The following MTUS2 variants were observed in gnomAD, a reference collection of about 807,000 sequenced individuals.
MTUS2 encodes microtubule associated scaffold protein 2.
In MTUS2, 40 loss-of-function variants were observed where a neutral mutation model predicts 114.1. That is an observed-to-expected ratio of 0.35 (90% confidence interval 0.27 to 0.46). The LOEUF (loss-of-function observed/expected upper bound fraction) is 0.46. MTUS2 is among the 20% of genes least tolerant of loss of function. The probability of loss-of-function intolerance (pLI) is 1.00; values close to 1 mark genes in which losing one functional copy is unlikely to be tolerated. For missense variants in MTUS2, 1,679 were observed against 1,705.4 expected, an observed-to-expected ratio of 0.98 and a Z score of 0.27; for synonymous variants, 688 against 672.0, an observed-to-expected ratio of 1.02 and a Z score of -0.37.
chr13:28,832,399 T>G (rs1874749852), intron 1 of MTUS2, among the ~76,000 whole-genome samples: 1 of 152,074 alleles, frequency 6.6e-6, no homozygotes, highest in Non-Finnish European at 1.5e-5. Flanking sequence ...GAAATTAATA[T>G]ACTCCTAGTG....
At chr13:29,018,135 T>G (rs1205537511) in intron 2 of MTUS2, among the ~76,000 whole-genome samples, 1 of 152,198 alleles carries the variant, frequency 6.6e-6, no homozygotes, top group East Asian at 1.9e-4. Flanking sequence ...ACTTTGATGC[T>G]TAGAGTCTGC....
intron 7 of MTUS2, among the ~76,000 whole-genome samples, chr13:29,356,742 C>G (rs2138211693): frequency 6.6e-6 from 1 of 152,324 alleles, no homozygotes; most frequent in East Asian, 1.9e-4. Context: ...ATGGCAGGAC[C>G]CTTTTCAACT....
intron 15 of MTUS2, among the ~76,000 whole-genome samples, chr13:29,502,643 G>A (rs756914084): frequency 1.6e-4 from 25 of 152,228 alleles, no homozygotes; most frequent in African/African-American, 2.4e-4. Flanking sequence ...CCAGCTGCGC[G>A]GCTGTCTCTC....
At chr13:29,470,357 G>A (rs1391482639) in intron 9 of MTUS2, among the ~76,000 whole-genome samples, 2 of 152,114 alleles carry the variant, frequency 1.3e-5, no homozygotes, top group Non-Finnish European at 2.9e-5. Flanking sequence ...CCTTCCTGAG[G>A]ATTGTGACCC....
At chr13:29,107,929 G>A (rs1288784604) in intron 5 of MTUS2, among the ~76,000 whole-genome samples, 1 of 152,050 alleles carries the variant, frequency 6.6e-6, no homozygotes, top group Non-Finnish European at 1.5e-5. Flanking sequence ...AATAGGATTT[G>A]GGTTCTGGGG....
rs550106523 is a variant in MTUS2, at chr13:29,328,215, A to C, written c.2905+3504A>C. Among the ~76,000 whole-genome samples the C allele has an allele frequency of 5.9e-5, 9 of 152,384 alleles. No homozygotes were observed. The South Asian group carries it at 1.9e-3, about 32-fold the overall frequency. On this transcript the variant is annotated intron_variant, in intron 7 of 15. Coordinates refer to ENST00000612955, the MANE Select transcript of MTUS2 (RefSeq NM_001033602.4). The stretch of plus-strand genomic sequence containing the variant: ...TATATGAAAATACATTTGATAATAG[A>C]AAAATCCAAATTCTGCCAAAATATG...
At chr13:29,092,821 T>C (rs1403712417) in intron 4 of MTUS2, among the ~76,000 whole-genome samples, 1 of 152,142 alleles carries the variant, frequency 6.6e-6, no homozygotes, top group African/African-American at 2.4e-5. Flanking sequence ...GTTTGAAAAG[T>C]TTTATGACTT....
At chr13:29,261,048 C>G (rs1897454158) in intron 5 of MTUS2, among the ~76,000 whole-genome samples, 1 of 151,796 alleles carries the variant, frequency 6.6e-6, no homozygotes, top group African/African-American at 2.4e-5. Context: ...AATCAGTGTG[C>G]TGAACAAGAA....
chr13:29,307,415 C>T, intron 6 of MTUS2: 1 of 1,206,276 alleles, frequency 8.3e-7, no homozygotes. Flanking sequence ...CCTAGTGACG[C>T]TGCCAAGGCT....
intron 5 of MTUS2, among the ~76,000 whole-genome samples, chr13:29,146,172 A>G (rs1183599118): frequency 1.3e-5 from 2 of 152,238 alleles, no homozygotes; most frequent in South Asian, 2.1e-4. Context: ...CACCTTTGTC[A>G]TAAAGAATAC....
intron 5 of MTUS2, among the ~76,000 whole-genome samples, chr13:29,126,308 C>G (rs2138933246): frequency 6.6e-6 from 1 of 152,258 alleles, no homozygotes; most frequent in Admixed American, 6.5e-5. Context: ...CCTTGTCAGC[C>G]TCTGAAATCT....
At chr13:29,083,808 A>C (rs1185654651) in intron 4 of MTUS2, among the ~76,000 whole-genome samples, 2 of 152,204 alleles carry the variant, frequency 1.3e-5, no homozygotes, top group Admixed American at 1.3e-4. Context: ...TTGCCAAGCC[A>C]ATTTTGTATA....
chr13:29,219,242 G>A (rs1346626925), intron 5 of MTUS2, among the ~76,000 whole-genome samples: 1 of 148,140 alleles, frequency 6.8e-6, no homozygotes, highest in Non-Finnish European at 1.5e-5. Context: ...TTGTTCTTGC[G>A]ATAGTTTACT....
intron 5 of MTUS2, among the ~76,000 whole-genome samples, chr13:29,168,259 A>G (rs1893400369): frequency 6.6e-6 from 1 of 152,200 alleles, no homozygotes; most frequent in African/African-American, 2.4e-5. Context: ...TGTGCTTGTT[A>G]TGGACGTTGA....
At chr13:28,958,169 A>G (rs1287657285) in intron 2 of MTUS2, among the ~76,000 whole-genome samples, 1 of 152,214 alleles carries the variant, frequency 6.6e-6, no homozygotes, top group East Asian at 1.9e-4. Flanking sequence ...CCTCCTGCTT[A>G]ATTAGCATAG....
At chr13:29,435,781 A>G (rs1877359097) in intron 8 of MTUS2, among the ~76,000 whole-genome samples, 1 of 152,224 alleles carries the variant, frequency 6.6e-6, no homozygotes, top group African/African-American at 2.4e-5. Flanking sequence ...AAGAGTTGAT[A>G]TCATTTCAAA....
intron 2 of MTUS2, among the ~76,000 whole-genome samples, chr13:28,879,765 G>T (rs1878175282): frequency 6.6e-6 from 1 of 151,984 alleles, no homozygotes; most frequent in Non-Finnish European, 1.5e-5. Flanking sequence ...CTAAAGTGAG[G>T]TCAAAGAATT....
At chr13:29,477,283 C>T (rs1382794473) in intron 9 of MTUS2, among the ~76,000 whole-genome samples, 1 of 152,236 alleles carries the variant, frequency 6.6e-6, no homozygotes, top group Non-Finnish European at 1.5e-5. Context: ...ATTCTCTCAA[C>T]ACCCAGTCAT....
intron 5 of MTUS2, among the ~76,000 whole-genome samples, chr13:29,193,642 C>G (rs1015674272): frequency 5.9e-5 from 9 of 152,104 alleles, no homozygotes; most frequent in Admixed American, 2.6e-4. Context: ...TAGGAAGAAT[C>G]AATATCGTGA....
Sources: allele counts gnomAD v4.1 joint callset (sites outside exome capture counted in the v4.1 genomes callset), GRCh38; gene constraint gnomAD v4.1.1; transcripts MANE v1.5; gene names NCBI Gene and HGNC (gene_info 2026-07-23, HGNC 2026-07-21).